Variants in DOK6 observed in about 807,000 individuals in gnomAD.
DOK6 encodes docking protein 6.
DOK6 carries 22 observed loss-of-function variants against 44.0 expected under a neutral mutation model. That is an observed-to-expected ratio of 0.50 (90% CI 0.36 to 0.71). DOK6 has a LOEUF of 0.71. Ranked by LOEUF, DOK6 falls within the 30% of genes least tolerant of loss-of-function variation. The pLI is 0.00. For missense variants in DOK6, 340 were observed against 416.4 expected (o/e 0.82, Z 1.60); for synonymous variants, 166 against 145.5 (o/e 1.14, Z -1.01).
At chr18:69,686,006 T>C (rs1986145194) in intron 4 of DOK6, among the ~76,000 whole-genome samples, 1 of 152,148 alleles carries the variant, frequency 6.6e-6, no homozygotes. Flanking sequence ...GTGATAGTAC[T>C]TGTAGGTAGT....
chr18:69,463,838 G>A (rs767309358), intron 1 of DOK6, among the ~76,000 whole-genome samples: 4 of 151,832 alleles, frequency 2.6e-5, no homozygotes, highest in South Asian at 2.1e-4. Flanking sequence ...TCTTAATTGC[G>A]TCCTCTTATT....
intron 7 of DOK6, among the ~76,000 whole-genome samples, chr18:69,817,835 C>T (rs1981444885): frequency 6.6e-6 from 1 of 152,160 alleles, no homozygotes; most frequent in African/African-American, 2.4e-5. Flanking sequence ...CATGAGCATC[C>T]AGAGACCAGT....
intron 1 of DOK6, among the ~76,000 whole-genome samples, chr18:69,451,100 A>G (rs1979451460): frequency 6.7e-6 from 1 of 149,486 alleles, no homozygotes; most frequent in Non-Finnish European, 1.5e-5. Context: ...TCTCCAATTA[A>G]AAGACACAGA....
chr18:69,479,657 A>AC (rs1980364515), intron 1 of DOK6, among the ~76,000 whole-genome samples: 1 of 152,162 alleles, frequency 6.6e-6, no homozygotes, highest in African/African-American at 2.4e-5. Flanking sequence ...AGTAATCATT[A>AC]ACTTTGGCAA....
At chr18:69,459,066 T>TG (rs1301420229) in intron 1 of DOK6, among the ~76,000 whole-genome samples, 5 of 146,578 alleles carry the variant, frequency 3.4e-5, no homozygotes, top group African/African-American at 1.0e-4. Context: ...ACTGCACTCC[T>TG]GCCTGGGTGA....
intron 5 of DOK6, among the ~76,000 whole-genome samples, chr18:69,709,492 G>A (rs1033922135): frequency 6.6e-6 from 1 of 152,210 alleles, no homozygotes; most frequent in Non-Finnish European, 1.5e-5. Context: ...CACAACAAAA[G>A]TCTAGGAGGA....
intron 1 of DOK6, among the ~76,000 whole-genome samples, chr18:69,510,355 G>T (rs1453994318): frequency 1.3e-5 from 2 of 152,026 alleles, no homozygotes; most frequent in African/African-American, 4.8e-5. Flanking sequence ...ACTTACCAGG[G>T]TATCTTAATA....
chr18:69,449,584 T>C (rs1979397749), intron 1 of DOK6, among the ~76,000 whole-genome samples: 1 of 152,240 alleles, frequency 6.6e-6, no homozygotes, highest in Non-Finnish European at 1.5e-5. Flanking sequence ...TGCCTGCCTC[T>C]GTAGGCTCCA....
chr18:69,825,010 T>C lies in DOK6; in HGVS notation c.857-16234T>C, dbSNP rs549819551. Among the ~76,000 whole-genome samples the C allele has an allele frequency of 4.6e-5, 7 of 152,352 alleles. No homozygotes were observed. In the East Asian group the frequency reaches 1.3e-3, roughly 29 times the overall value. ...TAGTGTTACTTAATGCTTATCTACT[T>C]CCTTATTTCTCAAGGTCTTTGTAAT... is the stretch of plus-strand genomic sequence containing the variant. On this transcript the variant is annotated intron_variant, in intron 7 of 7. Transcript: ENST00000382713.
rs193250820 is a variant in DOK6, at chr18:69,684,266, T to C, written c.409+6413T>C. On this transcript the variant is annotated intron_variant, in intron 4 of 7. Coordinates refer to ENST00000382713, the MANE Select transcript of DOK6 (RefSeq NM_152721.6). ...GGTCAAAGCTATATTTATTTCTCCCTATACTTTGCCACAGATGCTTCAGGA... is the reference window on the plus strand; with the variant it reads ...GGTCAAAGCTATATTTATTTCTCCCCATACTTTGCCACAGATGCTTCAGGA... Among the ~76,000 whole-genome samples the C allele has an allele frequency of 2.6e-5, 4 of 152,366 alleles. No individual in the cohort carries two copies. In the East Asian group the frequency reaches 7.7e-4, roughly 29 times the overall value.
At chr18:69,673,634 G>A (rs1396582977) in intron 3 of DOK6, among the ~76,000 whole-genome samples, 1 of 152,114 alleles carries the variant, frequency 6.6e-6, no homozygotes, top group East Asian at 1.9e-4. Context: ...TTAATCTCTA[G>A]TCTCCATTTG....
chr18:69,597,582 G>A (rs1983773504), intron 2 of DOK6, among the ~76,000 whole-genome samples: 1 of 152,162 alleles, frequency 6.6e-6, no homozygotes, highest in Non-Finnish European at 1.5e-5. Flanking sequence ...CACTTGGGGA[G>A]CCATTTTTAA....
At position 69,814,925 on chromosome 18, in the gene DOK6, C is replaced by A. The variant is rs191339823; in HGVS notation, c.857-26319C>A. Among the ~76,000 whole-genome samples, 621 of 151,902 alleles carry A rather than the reference C, an allele frequency of 4.1e-3. 5 individuals carry two copies. Among genetic ancestry groups the A allele is most frequent in the African/African-American group, 0.013 (542 of 41,430 alleles). ...CATGCGACTAGCAGAGTTTGAGTGT[C>A]CAGATAAGAAAAAAAAAGGTAAGAT... On this transcript the variant is annotated intron_variant, in intron 7 of 7. Coordinates refer to ENST00000382713, the MANE Select transcript of DOK6 (RefSeq NM_152721.6).
rs1568144244 is a variant in DOK6 at position 69,845,201 on chromosome 18, A to G, written c.*3818A>G. 2 of 152,206 alleles carry G rather than the reference A, an allele frequency of 1.3e-5. No individual in the cohort carries two copies. The highest frequency in any genetic ancestry group is 4.8e-5 in the African/African-American group (2 of 41,446). The allele number at this position is 152,206 out of a possible 1,614,324, so 9.4% of individuals were successfully genotyped here. A position where few individuals can be genotyped will look rare whatever the true frequency, so the allele number is the denominator to read the frequency against. On this transcript the variant is annotated 3_prime_UTR_variant, in exon 8 of 8. Coordinates refer to ENST00000382713, the MANE Select transcript of DOK6 (RefSeq NM_152721.6). ...GCTAAGGAAATGATATTCTCCTAAA[A>G]AGTTATATTCCAGTTTTGATTATTA...
rs1267510190 is a variant in DOK6 at position 69,696,662 on chromosome 18, T to C, written c.410-1742T>C. ...AGCTTCTTGGCCAAAGAAGAGAAGA[T>C]TGATGTTCGGGCCTTGTGTATATTC... On this transcript the variant is annotated intron_variant, in intron 4 of 7. Coordinates refer to ENST00000382713, the MANE Select transcript of DOK6 (RefSeq NM_152721.6). 2.6e-5 allele frequency among the ~76,000 whole-genome samples: 4 copies of C among 152,196 alleles called. No homozygotes were observed. The East Asian group carries it at 5.8e-4, about 22-fold the overall frequency.
chr18:69,744,551 C>T (rs1978916550), intron 6 of DOK6, among the ~76,000 whole-genome samples: 1 of 152,080 alleles, frequency 6.6e-6, no homozygotes, highest in African/African-American at 2.4e-5. Context: ...GAAAATGGAT[C>T]TGTGATCCCA....
chr18:69,491,717 C>T (rs1437229852), intron 1 of DOK6, among the ~76,000 whole-genome samples: 16 of 152,288 alleles, frequency 1.1e-4, no homozygotes, highest in Non-Finnish European at 2.2e-4. Flanking sequence ...AGTCATTTAG[C>T]AGGCTGTTAT....
At chr18:69,769,200 C>T (rs1322698031) in intron 7 of DOK6, among the ~76,000 whole-genome samples, 1 of 151,934 alleles carries the variant, frequency 6.6e-6, no homozygotes. Flanking sequence ...TAAACATTAT[C>T]AATGTCTTTT....
chr18:69,509,433 C>G lies in DOK6; in HGVS notation c.67-55054C>G, dbSNP rs369026659. Among the ~76,000 whole-genome samples, 845 of 151,924 alleles carry G rather than the reference C, an allele frequency of 5.6e-3. 4 individuals carry two copies. Among genetic ancestry groups the G allele is most frequent in the African/African-American group, 0.014 (561 of 41,448 alleles). ...CGGGCGGATCACGAGGTCAGGAGATCGAGACCATCCTGGCTAACATGGTGA... is the reference window on the plus strand; with the variant it reads ...CGGGCGGATCACGAGGTCAGGAGATGGAGACCATCCTGGCTAACATGGTGA... On this transcript the variant is annotated intron_variant, in intron 1 of 7. Coordinates refer to ENST00000382713, the MANE Select transcript of DOK6 (RefSeq NM_152721.6).
Sources: allele counts gnomAD v4.1 joint callset (sites outside exome capture counted in the v4.1 genomes callset), GRCh38; gene constraint gnomAD v4.1.1; transcripts MANE v1.5; gene names NCBI Gene and HGNC (gene_info 2026-07-23, HGNC 2026-07-21).